ALK: variants seen among roughly 807,000 people sequenced by gnomAD.
ALK encodes ALK tyrosine kinase receptor.
Under a neutral mutation model 163.1 loss-of-function variants are expected in ALK, and 74 were observed. The ratio of observed to expected loss-of-function variants is 0.45; its 90% CI spans 0.38 to 0.55. The LOEUF (loss-of-function observed/expected upper bound fraction) is 0.55, where lower values mean the gene tolerates loss of function less well. Ranked by LOEUF, ALK falls within the 20% of genes least tolerant of loss-of-function variation. ALK has a pLI of 0.00. For missense variants in ALK, 2,063 were observed against 2,105.3 expected (o/e 0.98, Z 0.39); for synonymous variants, 960 against 843.2 (o/e 1.14, Z -2.40).
In ALK at chr2:29,908,287, C is replaced by CACAA. The variant is rs1408497077; in HGVS notation, c.667+11705_667+11706insTTGT. On this transcript the variant is annotated intron_variant, in intron 1 of 28. Transcript: ENST00000389048. Reference sequence around the variant, plus strand: ...CTGGTTCTACTCTCCAGAGCACACACACACACACACACACACACACACATT... The same window carrying CACAA: ...CTGGTTCTACTCTCCAGAGCACACACACAAACACACACACACACACACACACATT... Among the ~76,000 whole-genome samples, 6 of 135,662 alleles carry CACAA rather than the reference C, an allele frequency of 4.4e-5. No homozygotes were observed. The East Asian group carries it at 1.9e-3, about 42-fold the overall frequency. 89.0% of individuals were successfully genotyped at this position (135,662 alleles called of 152,430 possible). A position where few individuals can be genotyped will look rare whatever the true frequency, so the allele number is the denominator to read the frequency against.
chr2:29,275,794 T>A (rs544282508), intron 9 of ALK, among the ~76,000 whole-genome samples: 56 of 152,194 alleles, frequency 3.7e-4, no homozygotes, highest in African/African-American at 7.5e-4. Flanking sequence ...GGAGAAATCT[T>A]TTGCTTTCTG....
chr2:29,827,536 G>A (rs76516358), intron 1 of ALK, among the ~76,000 whole-genome samples: 1,581 of 152,272 alleles, frequency 0.01, 31 homozygotes, highest in African/African-American at 0.036. Context: ...TCTGTTTAGT[G>A]AGCTTTGTTG....
intron 3 of ALK, among the ~76,000 whole-genome samples, chr2:29,676,271 C>T (rs1046229814): frequency 1.3e-5 from 2 of 151,970 alleles, no homozygotes; most frequent in African/African-American, 4.8e-5. Flanking sequence ...ACGTTTTTCC[C>T]CACCCAAGGT....
chr2:29,257,153 T>C (rs1423293626), intron 11 of ALK, among the ~76,000 whole-genome samples: 1 of 152,040 alleles, frequency 6.6e-6, no homozygotes, highest in Non-Finnish European at 1.5e-5. Flanking sequence ...AGGGAGGATC[T>C]GGGATGGGGG....
chr2:29,751,898 G>A (rs1473375506), intron 1 of ALK, among the ~76,000 whole-genome samples: 1 of 152,180 alleles, frequency 6.6e-6, no homozygotes, highest in East Asian at 1.9e-4. Context: ...GGTTAAGGAT[G>A]ACTATAAAAC....
intron 1 of ALK, among the ~76,000 whole-genome samples, chr2:29,763,093 A>G (rs990548312): frequency 1.3e-4 from 19 of 151,542 alleles, no homozygotes; most frequent in Admixed American, 6.6e-4. Context: ...TCTCAAAAAA[A>G]AAAAAAAAAA....
At chr2:29,637,709 C>CAAAAAAAAAAAAAAAAAAAAA (rs70958274) in intron 3 of ALK, among the ~76,000 whole-genome samples, 3 of 112,338 alleles carry the variant, frequency 2.7e-5, no homozygotes, top group African/African-American at 1.3e-4. Context: ...ACTCCGTCTC[C>CAAAAAAAAAAAAAAAAAAAAA]AAAAAAAAAA....
At chr2:29,315,622 C>G (rs1248281198) in intron 8 of ALK, among the ~76,000 whole-genome samples, 1 of 152,170 alleles carries the variant, frequency 6.6e-6, no homozygotes, top group African/African-American at 2.4e-5. Flanking sequence ...CTGGGCCCCA[C>G]TCTTCGCGAT....
chr2:29,880,065 G>A (rs2148417691), intron 1 of ALK, among the ~76,000 whole-genome samples: 1 of 152,288 alleles, frequency 6.6e-6, no homozygotes, highest in East Asian at 1.9e-4. Context: ...ATCTGTTAGA[G>A]GCTGCTGTCT....
At chr2:29,665,007 T>C (rs1396065027) in intron 3 of ALK, among the ~76,000 whole-genome samples, 2 of 150,044 alleles carry the variant, frequency 1.3e-5, no homozygotes, top group Non-Finnish European at 3.0e-5. Context: ...TTTTTTCTTT[T>C]TTTTTTTTTT....
intron 18 of ALK, 136 bp downstream of exon 18, chr2:29,226,786 G>T: frequency 9.2e-7 from 1 of 1,089,296 alleles, no homozygotes; most frequent in Non-Finnish European, 1.4e-6. Flanking sequence ...GAGCACTCGA[G>T]CTGTGGCAGG....
chr2:29,239,130 G>A (rs762410155), intron 13 of ALK, among the ~76,000 whole-genome samples: 1 of 152,190 alleles, frequency 6.6e-6, no homozygotes, highest in Non-Finnish European at 1.5e-5. Context: ...GCTTACTCCT[G>A]TCGTTTCACC....
At chr2:29,205,635 C>T (rs1669291452) in intron 26 of ALK, among the ~76,000 whole-genome samples, 1 of 152,158 alleles carries the variant, frequency 6.6e-6, no homozygotes, top group Admixed American at 6.5e-5. Flanking sequence ...CTTGGGGCCG[C>T]ATCTCCAGTC....
chr2:29,406,856 G>A (rs1446886063), intron 4 of ALK, among the ~76,000 whole-genome samples: 2 of 144,978 alleles, frequency 1.4e-5, no homozygotes, highest in African/African-American at 5.2e-5. Flanking sequence ...CTGAGATCGC[G>A]CCACTGCACT....
intron 4 of ALK, among the ~76,000 whole-genome samples, chr2:29,503,367 G>A (rs765405419): frequency 6.6e-5 from 10 of 152,186 alleles, no homozygotes; most frequent in Non-Finnish European, 1.5e-4. Context: ...TTCAACAAAT[G>A]TTTGTTGAAC....
At position 29,920,334 on chromosome 2, in the gene ALK, G is replaced by A; in HGVS notation, c.326C>T (p.Ser109Phe). The A allele has an allele frequency of 6.4e-7, 1 of 1,552,026 alleles. No individual in the cohort carries two copies. Among genetic ancestry groups the A allele is most frequent in the Non-Finnish European group, 8.7e-7 (1 of 1,149,278 alleles). Reference sequence around the variant, plus strand: ...CGGGGCTGGTGAACCGGCGGTCCAGGAGACCCCCGGCGCCGGCCCCAGCAA... The same window carrying A: ...CGGGGCTGGTGAACCGGCGGTCCAGAAGACCCCCGGCGCCGGCCCCAGCAA... ...LRLLGPAPGV[S>F]WTAGSPAPAE... Residue 109 changes from serine to phenylalanine, a missense_variant, in exon 1 of 29, where the codon TCC becomes TTC. By Grantham distance (155) the Ser-to-Phe change is radical. Coordinates refer to ENST00000389048, the MANE Select transcript of ALK (RefSeq NM_004304.5).
At chr2:29,885,804 G>T (rs2148421274) in intron 1 of ALK, among the ~76,000 whole-genome samples, 1 of 152,256 alleles carries the variant, frequency 6.6e-6, no homozygotes, top group South Asian at 2.1e-4. Context: ...TACTTCTTTT[G>T]CAACATGTAT....
chr2:29,613,918 G>T lies in ALK; in HGVS notation c.952+80932C>A, dbSNP rs2148223420. Among the ~76,000 whole-genome samples the T allele has an allele frequency of 2.0e-5, 3 of 152,256 alleles. 1 individual carries two copies. The highest frequency in any genetic ancestry group is 2.0e-4 in the Admixed American group (3 of 15,308). On this transcript the variant is annotated intron_variant, in intron 3 of 28. Coordinates refer to ENST00000389048, the MANE Select transcript of ALK (RefSeq NM_004304.5). ...ACTCCCAGCAAGTCAGGAAAAAGGG[G>T]GGGTTCTACAGCTCAGGGACTAATG...
intron 1 of ALK, chr2:29,892,237 A>G (rs1438115911): frequency 6.6e-6 from 1 of 152,202 alleles, no homozygotes; most frequent in Non-Finnish European, 1.5e-5. Context: ...ATCTGAGAAT[A>G]TTCAGCTCAC....
Sources: gnomAD v4.1 joint callset for allele counts (sites outside exome capture counted in the v4.1 genomes callset) on GRCh38, gnomAD v4.1.1 for gene constraint, MANE v1.5 for transcripts, NCBI Gene and HGNC (gene_info 2026-07-23, HGNC 2026-07-21) for gene names.